The following CP variants were observed in gnomAD, a reference collection of about 807,000 sequenced individuals.
CP encodes the protein caeruloplasmin.
In CP, 64 loss-of-function variants were observed where a neutral mutation model predicts 122.4. The ratio of observed to expected loss-of-function variants is 0.52; its 90% CI spans 0.43 to 0.64. The LOEUF (loss-of-function observed/expected upper bound fraction) is 0.64, where lower values mean the gene tolerates loss of function less well. Ranked by LOEUF, CP falls within the 30% of genes least tolerant of loss-of-function variation. The pLI is 0.00. For missense variants in CP, 1,167 were observed against 1,284.4 expected (o/e 0.91, Z 1.40); for synonymous variants, 440 against 436.4 (o/e 1.01, Z -0.10).
chr3:149,166,896 G>A (rs898520546), intron 4 of CP: 17 of 710,594 alleles, frequency 2.4e-5, no homozygotes, highest in Admixed American at 8.0e-5. Flanking sequence ...TAAGGACCAC[G>A]TGCATGTGCT....
chr3:149,207,418 C>T lies in CP; in HGVS notation c.981G>A (p.Val327=), dbSNP rs144467178. ...FPATLFDAYM[V]AQNPGEWMLS... ...GCATCCATTCTCCAGGGTTCTGGGC[C>T]ACCATATAAGCATCAAACAGGGTAG... The change falls in exon 5 of 19, where the codon GTG becomes GTA. Residue 327 remains valine, a synonymous_variant. Coordinates refer to ENST00000264613, the MANE Select transcript of CP (RefSeq NM_000096.4). 4.0e-5 allele frequency: 65 copies of T among 1,613,972 alleles called. No homozygotes were observed. In the African/African-American group the frequency reaches 8.3e-4, roughly 21 times the overall value.
Position 149,202,121 on chromosome 3 carries a change from T to G in CP, c.1329A>C (p.Glu443Asp). The G allele has an allele frequency of 6.2e-7, 1 of 1,614,170 alleles. No homozygotes were observed. Among genetic ancestry groups the G allele is most frequent in the Non-Finnish European group, 8.5e-7 (1 of 1,179,998 alleles). Residue 443 changes from glutamate (E) to aspartate (D), a missense_variant, in exon 7 of 19, where the codon GAA becomes GAC. Physicochemically the swap from Glu to Asp is conservative, Grantham distance 45. Coordinates refer to ENST00000264613, the MANE Select transcript of CP (RefSeq NM_000096.4). ...FTNRKERGPE[E>D]EHLGILGPVI... ...ACTCACCCAGGATGCCAAGATGCTC[T>G]TCTTCAGGGCCTCTCTCCTTTCGAT...
chr3:149,166,677 C>T (rs1724448280), intron 4 of CP, among the ~76,000 whole-genome samples: 1 of 152,124 alleles, frequency 6.6e-6, no homozygotes, highest in Non-Finnish European at 1.5e-5. Flanking sequence ...ATTGCGAATA[C>T]TCTTGCGGTG....
intron 5 of CP, among the ~76,000 whole-genome samples, chr3:149,164,432 G>A (rs1231845488): frequency 6.6e-6 from 1 of 152,200 alleles, no homozygotes; most frequent in Non-Finnish European, 1.5e-5. Flanking sequence ...GATGATTAGA[G>A]AATGTGGATC....
chr3:149,193,530 C>G (rs991301571), intron 9 of CP, among the ~76,000 whole-genome samples: 1 of 151,950 alleles, frequency 6.6e-6, no homozygotes, highest in Admixed American at 6.6e-5. Context: ...TGTGTTGAGA[C>G]TATTTTCTTC....
intron 12 of CP, 125 bp from the exon 13 acceptor site, chr3:149,183,730 A>T (rs544402734): frequency 1.4e-6 from 1 of 694,194 alleles, no homozygotes; most frequent in Admixed American, 2.8e-5. Context: ...TTAAATCATC[A>T]CTCTTCTATC....
chr3:149,176,499 G>GA lies in CP; in HGVS notation c.3019-88dup, dbSNP rs971732427. ...TGTTAATGTTCAGCTCAGGGATATT[G>GA]AAAAAATGGATAAATCTGTTTTTAA... On this transcript the variant is annotated intron_variant, in intron 17 of 18. Coordinates refer to ENST00000264613, the MANE Select transcript of CP (RefSeq NM_000096.4). 1.2e-5 allele frequency: 12 copies of GA among 1,042,694 alleles called. 1 individual carries two copies. Among genetic ancestry groups the GA allele is most frequent in the Admixed American group, 1.0e-4 (5 of 49,382 alleles). 64.6% of individuals were successfully genotyped at this position (1,042,694 alleles called of 1,614,324 possible).
intron 2 of CP, among the ~76,000 whole-genome samples, chr3:149,211,058 G>A (rs1481711927): frequency 6.6e-6 from 1 of 151,948 alleles, no homozygotes; most frequent in African/African-American, 2.4e-5. Flanking sequence ...TCCCTAGTAA[G>A]CCATGAAATC....
intron 14 of CP, among the ~76,000 whole-genome samples, chr3:149,180,527 G>C (rs1015729200): frequency 3.3e-5 from 5 of 152,056 alleles, no homozygotes; most frequent in Non-Finnish European, 5.9e-5. Context: ...CATTTATTTA[G>C]ACCACACCAT....
exon 6 of CP, chr3:149,162,850 C>T (rs757372543): frequency 1.2e-6 from 2 of 1,613,884 alleles, no homozygotes; most frequent in Non-Finnish European, 1.7e-6. Flanking sequence ...CCTCCTGACA[C>T]CACACCATTG....
intron 12 of CP, 35 bp downstream of exon 12, chr3:149,185,204 C>T (rs1726075916): frequency 6.3e-7 from 1 of 1,598,584 alleles, no homozygotes; most frequent in Non-Finnish European, 8.5e-7. Flanking sequence ...CCTAAAATTA[C>T]TGCTGAAATT....
intron 10 of CP, among the ~76,000 whole-genome samples, chr3:149,187,371 T>G (rs1160757385): frequency 6.6e-6 from 1 of 152,242 alleles, no homozygotes; most frequent in East Asian, 1.9e-4. Flanking sequence ...ACAATAATTT[T>G]TACTGATGTC....
At chr3:149,189,410 C>G (rs186650470) in intron 9 of CP, among the ~76,000 whole-genome samples, 1 of 151,372 alleles carries the variant, frequency 6.6e-6, no homozygotes, top group Non-Finnish European at 1.5e-5. Context: ...AAAAATTAGC[C>G]GGGTGTGATG....
intron 6 of CP, among the ~76,000 whole-genome samples, chr3:149,205,756 G>A (rs974425720): frequency 6.6e-6 from 1 of 152,028 alleles, no homozygotes; most frequent in African/African-American, 2.4e-5. Flanking sequence ...GAAGAAGGTT[G>A]TTATTGTTTA....
intron 1 of CP, among the ~76,000 whole-genome samples, chr3:149,221,095 G>C (rs144365433): frequency 1.3e-5 from 2 of 152,058 alleles, no homozygotes; most frequent in Non-Finnish European, 2.9e-5. Context: ...ACATGCACCC[G>C]CTCTTTAAAT....
chr3:149,169,569 A>C (rs954888672), downstream of CP, among the ~76,000 whole-genome samples: 1 of 152,160 alleles, frequency 6.6e-6, no homozygotes, highest in African/African-American at 2.4e-5. Flanking sequence ...GCATTTTAGG[A>C]TATTAAACAG....
chr3:149,185,572 G>A lies in CP; in HGVS notation c.2078-126C>T. ...GGTGATCTAGCTTTCCACACCTTCT[G>A]CTCACCCTGCTCCATCCATCCTTTT... On this transcript the variant is annotated intron_variant, in intron 11 of 18. Coordinates refer to ENST00000264613, the MANE Select transcript of CP (RefSeq NM_000096.4). The A allele has an allele frequency of 7.5e-6, 6 of 799,756 alleles. No individual in the cohort carries two copies. The South Asian group carries it at 1.0e-4, about 13-fold the overall frequency. 49.5% of individuals were successfully genotyped at this position (799,756 alleles called of 1,614,324 possible).
chr3:149,176,169 TG>T, intron 18 of CP, 80 bp downstream of exon 18: 1 of 1,283,052 alleles, frequency 7.8e-7, no homozygotes, highest in Non-Finnish European at 1.1e-6. Flanking sequence ...TGCATCATAT[TG>T]GGGGAAGTAT....
At chr3:149,192,495 A>AG (rs981023272) in intron 9 of CP, among the ~76,000 whole-genome samples, 5 of 150,900 alleles carry the variant, frequency 3.3e-5, no homozygotes, top group African/African-American at 1.2e-4. Context: ...ACAAAAGGCA[A>AG]AAAAAAAAGA....
Sources: gnomAD v4.1 joint callset for allele counts (sites outside exome capture counted in the v4.1 genomes callset) on GRCh38, gnomAD v4.1.1 for gene constraint, MANE v1.5 for transcripts, NCBI Gene and HGNC (gene_info 2026-07-23, HGNC 2026-07-21) for gene names.